TAF4: variants seen among roughly 807,000 people sequenced by gnomAD.
TAF4 encodes transcription initiation factor TFIID subunit 4.
A neutral mutation model predicts 90.3 loss-of-function variants in TAF4; 9 were observed. The ratio of observed to expected loss-of-function variants is 0.10; its 90% confidence interval spans 0.06 to 0.17. The LOEUF (loss-of-function observed/expected upper bound fraction) is 0.17, where lower values mean the gene tolerates loss of function less well. TAF4 is among the 10% of genes least tolerant of loss of function. The pLI is 1.00. For missense variants in TAF4, 1,351 were observed against 1,370.7 expected, an observed-to-expected ratio of 0.99 and a Z score of 0.23; for synonymous variants, 818 against 638.9, an observed-to-expected ratio of 1.28 and a Z score of -4.23.
At position 62,065,408 on chromosome 20, in the gene TAF4, C is replaced by G; in HGVS notation, c.403G>C (p.Gly135Arg). ...KLRPPPEGSAGSCAPVPAAAA... is the reference protein window; with the variant it reads ...KLRPPPEGSARSCAPVPAAAA... ...GCGGCGGGCACCGGGGCGCAGGACC[C>G]CGCGCTGCCCTCGGGCGGCGGCCTC... Residue 135 changes from glycine (G) to arginine (R), a missense_variant, in exon 1 of 15, where the codon GGG (glycine) becomes CGG (arginine). Coordinates refer to ENST00000252996, the MANE Select transcript of TAF4 (RefSeq NM_003185.4). The G allele has an allele frequency of 2.1e-6, 2 of 973,162 alleles. No individual in the cohort carries two copies. The highest frequency in any genetic ancestry group is 2.4e-6 in the Non-Finnish European group (2 of 823,742). The allele number at this position is 973,162 out of a possible 1,614,324, so 60.3% of individuals were successfully genotyped here.
Sources: allele counts gnomAD v4.1 joint callset, GRCh38; gene constraint gnomAD v4.1.1; transcripts MANE v1.5; gene names NCBI Gene and HGNC (gene_info 2026-07-23, HGNC 2026-07-21).